TRAM1: variants seen among roughly 807,000 people sequenced by gnomAD.
The protein encoded by TRAM1 is translocating chain-associated membrane protein 1.
Under a neutral mutation model 48.7 loss-of-function variants are expected in TRAM1, and 17 were observed. The ratio of observed to expected loss-of-function variants is 0.35; its 90% CI spans 0.24 to 0.52. The LOEUF (loss-of-function observed/expected upper bound fraction) is 0.52, where lower values mean the gene tolerates loss of function less well. TRAM1 is among the 20% of genes least tolerant of loss of function. The pLI is 0.94. For missense variants in TRAM1, 351 were observed against 441.5 expected (o/e 0.79, Z 1.84); for synonymous variants, 182 against 154.0 (o/e 1.18, Z -1.34).
chr8:70,607,729 A>C (rs187470744), intron 1 of TRAM1: 10,797 of 162,366 alleles, frequency 0.066, 422 homozygotes, highest in Non-Finnish European at 0.076. Context: ...CCCCGCCCGC[A>C]GGCCCCTCGC....
intron 1 of TRAM1, among the ~76,000 whole-genome samples, chr8:70,604,196 T>C (rs1817671846): frequency 6.6e-6 from 1 of 151,804 alleles, no homozygotes; most frequent in East Asian, 1.9e-4. Context: ...CCAGAAACTG[T>C]AATGAATTAC....
At chr8:70,584,777 A>T (rs1224217364) in intron 8 of TRAM1, among the ~76,000 whole-genome samples, 1 of 152,120 alleles carries the variant, frequency 6.6e-6, no homozygotes, top group Non-Finnish European at 1.5e-5. Flanking sequence ...ATGAAATAAA[A>T]GAGGATACAA....
At position 70,598,001 on chromosome 8, in the gene TRAM1, C is replaced by T; in HGVS notation, c.320G>A (p.Arg107Lys). ...TTTTGTTTTGGAGAAGTGCATTCGC[C>T]TGTTAATTTTCTAAAAATAAAAACA... is the stretch of plus-strand genomic sequence containing the variant. Reference protein sequence around the residue: ...IQEYMLDKINRRMHFSKTKHS... With the variant: ...IQEYMLDKINKRMHFSKTKHS... Residue 107 changes from arginine (R) to lysine (K), a missense_variant, in exon 4 of 11, where the codon AGG becomes AAG. Arg to Lys is a conservative substitution (Grantham distance 26). Transcript: ENST00000262213. 2.5e-6 allele frequency: 4 copies of T among 1,583,428 alleles called. No individual in the cohort carries two copies. Among genetic ancestry groups the T allele is most frequent in the South Asian group, 1.2e-5 (1 of 83,062 alleles).
intron 10 of TRAM1, among the ~76,000 whole-genome samples, chr8:70,576,069 T>TAAAAAAAAAAAAAAAAAAAAAA (rs1391722559): frequency 2.5e-5 from 1 of 40,138 alleles, no homozygotes; most frequent in African/African-American, 8.4e-5. Context: ...AGACTCCATC[T>TAAAAAAAAAAAAAAAAAAAAAA]AAAAAAAAAA....
intron 1 of TRAM1, among the ~76,000 whole-genome samples, chr8:70,606,402 C>T (rs1418339166): frequency 1.3e-5 from 2 of 152,148 alleles, no homozygotes; most frequent in African/African-American, 4.8e-5. Flanking sequence ...CCCTATGTTG[C>T]CTAGGCTGGT....
intron 1 of TRAM1, among the ~76,000 whole-genome samples, chr8:70,604,576 A>C (rs77812340): frequency 2.0e-5 from 3 of 152,074 alleles, no homozygotes; most frequent in African/African-American, 7.2e-5. Context: ...TTTCACGCTT[A>C]TATGTGAGAT....
Position 70,608,377 on chromosome 8 carries a change from A to AT in TRAM1, c.-179_-178insA, listed in dbSNP as rs1389201156. 17 of 650,980 alleles carry AT rather than the reference A, an allele frequency of 2.6e-5. No homozygotes were observed. Among genetic ancestry groups the AT allele is most frequent in the Admixed American group, 4.3e-5 (1 of 23,468 alleles). 40.3% of individuals were successfully genotyped at this position (650,980 alleles called of 1,614,324 possible). A position where few individuals can be genotyped will look rare whatever the true frequency, so the allele number is the denominator to read the frequency against. On this transcript the variant is annotated 5_prime_UTR_variant, in exon 1 of 11. Transcript: ENST00000262213. The stretch of plus-strand genomic sequence containing the variant: ...CAGCCGCCGGGCCGCCCGGGGGAAA[A>AT]AAAAAAACACAACAGCTAGCCCGCA...
chr8:70,594,421 A>G, intron 6 of TRAM1, 85 bp downstream of exon 6: 1 of 1,042,444 alleles, frequency 9.6e-7, no homozygotes, highest in South Asian at 1.7e-5. Flanking sequence ...AAGGGCAAAC[A>G]TGTAAGAAAA....
intron 1 of TRAM1, among the ~76,000 whole-genome samples, chr8:70,601,280 T>C (rs1817603064): frequency 6.6e-6 from 1 of 152,188 alleles, no homozygotes; most frequent in African/African-American, 2.4e-5. Flanking sequence ...CTGACTCCTC[T>C]CTCTGCCTCT....
At chr8:70,580,248 G>C (rs1340419496) in intron 10 of TRAM1, among the ~76,000 whole-genome samples, 2 of 152,110 alleles carry the variant, frequency 1.3e-5, no homozygotes, top group Admixed American at 6.5e-5. Flanking sequence ...CAACGATGTT[G>C]CAAGAAAAAT....
chr8:70,595,463 G>GT (rs1443760480), intron 5 of TRAM1, among the ~76,000 whole-genome samples: 1 of 151,794 alleles, frequency 6.6e-6, no homozygotes, highest in African/African-American at 2.4e-5. Context: ...TCTTTCCTTC[G>GT]TATCTTCTCC....
At chr8:70,590,382 T>G (rs767743337) in intron 6 of TRAM1, among the ~76,000 whole-genome samples, 2 of 152,222 alleles carry the variant, frequency 1.3e-5, no homozygotes, top group Admixed American at 6.5e-5. Context: ...TGTCTTTAAA[T>G]TTCAACCCAA....
At chr8:70,585,345 C>A (rs1359502880) in intron 8 of TRAM1, among the ~76,000 whole-genome samples, 2 of 151,902 alleles carry the variant, frequency 1.3e-5, no homozygotes, top group Admixed American at 6.6e-5. Context: ...CTAGGCAATA[C>A]CATTCAGGAC....
At chr8:70,583,385 T>C in intron 9 of TRAM1, 61 bp from the exon 10 acceptor site, 1 of 1,516,276 alleles carries the variant, frequency 6.6e-7, no homozygotes. Context: ...GAATACATTC[T>C]ATCATCTTTC....
In TRAM1 at chr8:70,598,151, G is replaced by A. The variant is rs1361320484; in HGVS notation, c.292C>T (p.Gln98Ter). The A allele has an allele frequency of 6.2e-7, 1 of 1,612,620 alleles. No individual in the cohort carries two copies. Among genetic ancestry groups the A allele is most frequent in the African/African-American group, 1.3e-5 (1 of 74,824 alleles). Residue 98 changes from glutamine (Q) to a stop codon, truncating the protein, a stop_gained, in exon 3 of 11, where the codon CAA becomes TAA. Coordinates refer to ENST00000262213, the MANE Select transcript of TRAM1 (RefSeq NM_014294.6). LOFTEE classifies it high-confidence loss of function. ...LVAIIIHAVI[Q>*]EYMLDKINRR... ...ATACTTACATCCAACATATACTCTT[G>A]AATTACGGCATGAATAATTATCGCC...
intron 1 of TRAM1, chr8:70,607,582 C>A (rs1315061817): frequency 5.3e-6 from 4 of 748,794 alleles, no homozygotes; most frequent in Middle Eastern, 7.0e-4. Flanking sequence ...GGTCTCCAGG[C>A]CGGCACTCCT....
At chr8:70,575,993 C>G (rs897733664) in intron 10 of TRAM1, among the ~76,000 whole-genome samples, 1 of 150,278 alleles carries the variant, frequency 6.7e-6, no homozygotes, top group Non-Finnish European at 1.5e-5. Flanking sequence ...ATCACTTGAG[C>G]CCGGGAGGCA....
At chr8:70,575,177 G>A (rs956050721) in intron 10 of TRAM1, among the ~76,000 whole-genome samples, 172 bp from the exon 11 acceptor site, 3 of 152,062 alleles carry the variant, frequency 2.0e-5, no homozygotes, top group Non-Finnish European at 4.4e-5. Context: ...TTAACACAAT[G>A]AACTGAAAGT....
rs1197137023 is a variant in TRAM1, at chr8:70,574,756, C to A, written c.*176G>T. ...TTAGTCTAAGCTAAAATATTTTTTT[C>A]ATTCATAGCAATAATCCTCCCCTCA... On this transcript the variant is annotated 3_prime_UTR_variant, in exon 11 of 11. Coordinates refer to ENST00000262213, the MANE Select transcript of TRAM1 (RefSeq NM_014294.6). The A allele has an allele frequency of 1.9e-6, 1 of 512,840 alleles. No individual in the cohort carries two copies. The highest frequency in any genetic ancestry group is 2.0e-5 in the African/African-American group (1 of 49,528). 31.8% of individuals were successfully genotyped at this position (512,840 alleles called of 1,614,324 possible). A position where few individuals can be genotyped will look rare whatever the true frequency, so the allele number is the denominator to read the frequency against.
Sources: allele counts gnomAD v4.1 joint callset (sites outside exome capture counted in the v4.1 genomes callset), GRCh38; gene constraint gnomAD v4.1.1; transcripts MANE v1.5; gene names NCBI Gene and HGNC (gene_info 2026-07-23, HGNC 2026-07-21).